The following AFF2 variants were observed in gnomAD, a reference collection of about 807,000 sequenced individuals.
AFF2 encodes AF4/FMR2 family member 2.
In AFF2, 14 loss-of-function variants were observed where a neutral mutation model predicts 76.9. The observed-to-expected ratio is 0.18, with a 90% CI of 0.12 to 0.28. The LOEUF is 0.28. Among genes scored for constraint, AFF2 ranks in the 10% least tolerant of loss-of-function variants. The probability of loss-of-function intolerance (pLI) is 1.00; values close to 1 mark genes in which losing one functional copy is unlikely to be tolerated. For missense variants in AFF2, 868 were observed against 1,001.1 expected, an observed-to-expected ratio of 0.87 and a Z score of 1.79; for synonymous variants, 398 against 366.7, an observed-to-expected ratio of 1.09 and a Z score of -0.98.
chrX:148,985,157 G>A (rs950856201), intron 19 of AFF2, among the ~76,000 whole-genome samples: 9 of 108,365 alleles, frequency 8.3e-5, no homozygotes, highest in Non-Finnish European at 1.5e-4. Flanking sequence ...GCTAATTTTC[G>A]TATTTTTAGT....
intron 3 of AFF2, among the ~76,000 whole-genome samples, chrX:148,683,839 G>A (rs1418243167): frequency 1.8e-5 from 2 of 111,681 alleles, no homozygotes; most frequent in Admixed American, 9.5e-5. Flanking sequence ...GTTGCCTCTC[G>A]GAAGACTACT....
At chrX:148,903,199 C>G (rs1399101589) in intron 8 of AFF2, among the ~76,000 whole-genome samples, 2 of 111,279 alleles carry the variant, frequency 1.8e-5, no homozygotes, top group Non-Finnish European at 3.8e-5. Context: ...CTCTTTTTAT[C>G]AAACATAACG....
intron 3 of AFF2, among the ~76,000 whole-genome samples, chrX:148,666,827 G>A (rs868928442): frequency 2.7e-5 from 3 of 111,441 alleles, no homozygotes; most frequent in Non-Finnish European, 3.8e-5. Context: ...GTTAATAAAC[G>A]TAGCTTTATA....
chrX:148,757,253 G>T (rs1315720891), intron 3 of AFF2, among the ~76,000 whole-genome samples: 1 of 111,963 alleles, frequency 8.9e-6, no homozygotes, highest in Non-Finnish European at 1.9e-5. Context: ...GCACTGCAAG[G>T]GTAGAGTTGA....
At chrX:148,739,730 C>T (rs1225563510) in intron 3 of AFF2, among the ~76,000 whole-genome samples, 1 of 110,845 alleles carries the variant, frequency 9.0e-6, no homozygotes, top group Non-Finnish European at 1.9e-5. Flanking sequence ...CTTGTATTTT[C>T]GTTTTATAGG....
chrX:148,671,996 A>G (rs1557259140), intron 3 of AFF2, among the ~76,000 whole-genome samples: 1 of 111,678 alleles, frequency 9.0e-6, no homozygotes, highest in African/African-American at 3.3e-5. Context: ...TCTTGTTATC[A>G]CTGGATATAT....
At chrX:148,942,807 C>T (rs2071854650) in intron 9 of AFF2, among the ~76,000 whole-genome samples, 1 of 72,964 alleles carries the variant, frequency 1.4e-5, no homozygotes, top group African/African-American at 4.3e-5. Context: ...TAGTGTGAGA[C>T]TCCATCTCAG....
At chrX:148,735,205 A>G (rs1557264991) in intron 3 of AFF2, among the ~76,000 whole-genome samples, 1 of 112,300 alleles carries the variant, frequency 8.9e-6, no homozygotes. Flanking sequence ...TCATCCAAGA[A>G]TGTGCAAACA....
At chrX:148,944,320 A>G (rs782421043) in intron 9 of AFF2, among the ~76,000 whole-genome samples, 2 of 111,547 alleles carry the variant, frequency 1.8e-5, no homozygotes, top group South Asian at 7.7e-4. Context: ...TTTGTAACTG[A>G]TATGATTCCT....
At chrX:148,827,504 A>G (rs2070402478) in intron 4 of AFF2, among the ~76,000 whole-genome samples, 1 of 111,965 alleles carries the variant, frequency 8.9e-6, no homozygotes, top group African/African-American at 3.2e-5. Flanking sequence ...GTCATTCTCT[A>G]GTACCTTTCA....
At chrX:148,617,264 T>C (rs1381354337) in intron 1 of AFF2, among the ~76,000 whole-genome samples, 2 of 112,086 alleles carry the variant, frequency 1.8e-5, no homozygotes, top group African/African-American at 6.5e-5. Flanking sequence ...ATGATCGCCA[T>C]TCTAACCGGT....
At chrX:148,709,257 C>T (rs961352156) in intron 3 of AFF2, among the ~76,000 whole-genome samples, 6 of 111,474 alleles carry the variant, frequency 5.4e-5, no homozygotes, top group Non-Finnish European at 1.1e-4. Context: ...GGATTGACTG[C>T]CTTGCCAAAT....
intron 9 of AFF2, among the ~76,000 whole-genome samples, chrX:148,938,681 T>C (rs2071800243): frequency 8.9e-6 from 1 of 112,286 alleles, no homozygotes; most frequent in Non-Finnish European, 1.9e-5. Context: ...TATGTTTCAG[T>C]TGATGTCATG....
chrX:148,555,463 A>G (rs1344147515), intron 1 of AFF2, among the ~76,000 whole-genome samples: 1 of 112,335 alleles, frequency 8.9e-6, no homozygotes, highest in Non-Finnish European at 1.9e-5. Flanking sequence ...TATTTAAATG[A>G]TACATTTTAG....
At chrX:148,900,952 C>CT (rs2071347999) in intron 8 of AFF2, among the ~76,000 whole-genome samples, 1 of 111,941 alleles carries the variant, frequency 8.9e-6, no homozygotes, top group Non-Finnish European at 1.9e-5. Flanking sequence ...AGCCCATAGA[C>CT]TATCTGGCTG....
intron 7 of AFF2, among the ~76,000 whole-genome samples, chrX:148,849,441 C>G (rs782724506): frequency 1.1e-4 from 10 of 88,360 alleles, no homozygotes; most frequent in Non-Finnish European, 2.1e-5. Context: ...AGGCAAACAT[C>G]GCTTCCTTTC....
intron 3 of AFF2, among the ~76,000 whole-genome samples, chrX:148,770,746 T>C (rs1179780671): frequency 8.9e-6 from 1 of 112,083 alleles, no homozygotes. Context: ...TTCCTTGATC[T>C]GCTTATGATG....
intron 9 of AFF2, among the ~76,000 whole-genome samples, chrX:148,933,391 G>A (rs782500178): frequency 5.4e-5 from 6 of 111,582 alleles, no homozygotes; most frequent in Admixed American, 1.9e-4. Flanking sequence ...AGAGAATTTC[G>A]AGCAGAAGAG....
chrX:148,578,204 G>T (rs2053313890), intron 1 of AFF2, among the ~76,000 whole-genome samples: 1 of 111,589 alleles, frequency 9.0e-6, no homozygotes, highest in African/African-American at 3.3e-5. Flanking sequence ...AAGTTTACCT[G>T]TTTGCAAGGG....
Sources: allele counts gnomAD v4.1 joint callset (sites outside exome capture counted in the v4.1 genomes callset), GRCh38; gene constraint gnomAD v4.1.1; transcripts MANE v1.5; gene names NCBI Gene and HGNC (gene_info 2026-07-23, HGNC 2026-07-21).